The following RYR3 variants were observed in gnomAD, a reference collection of about 807,000 sequenced individuals.
RYR3 encodes brain ryanodine receptor-calcium release channel.
Under a neutral mutation model 584.3 loss-of-function variants are expected in RYR3, and 207 were observed. The ratio of observed to expected loss-of-function variants is 0.35; its 90% CI spans 0.32 to 0.40. The LOEUF (loss-of-function observed/expected upper bound fraction) is 0.40, where lower values mean the gene tolerates loss of function less well. RYR3 is among the 10% of genes least tolerant of loss of function. The pLI is 1.00. For missense variants in RYR3, 5,616 were observed against 6,089.2 expected, an observed-to-expected ratio of 0.92 and a Z score of 2.59; for synonymous variants, 2,416 against 2,248.5, an observed-to-expected ratio of 1.07 and a Z score of -2.11.
chr15:33,344,744 A>C (rs1354907320), intron 1 of RYR3, among the ~76,000 whole-genome samples: 5 of 152,222 alleles, frequency 3.3e-5, no homozygotes, highest in Non-Finnish European at 7.3e-5. Context: ...CTTTCTGGTC[A>C]TGTAAAAATG....
rs539094716 is a variant in RYR3, at chr15:33,865,402, G to C, written c.*176G>C. The C allele has an allele frequency of 1.7e-6, 1 of 576,632 alleles. No individual in the cohort carries two copies. The highest frequency in any genetic ancestry group is 1.9e-5 in the African/African-American group (1 of 53,366). 35.7% of individuals were successfully genotyped at this position (576,632 alleles called of 1,614,324 possible). A position where few individuals can be genotyped will look rare whatever the true frequency, so the allele number is the denominator to read the frequency against. ...ATTGATTTGGCTTTTTGTGCCTAAT[G>C]GACATACACTGTGGGAGAGAACCTG... On this transcript the variant is annotated 3_prime_UTR_variant, in exon 104 of 104. Coordinates refer to ENST00000634891, the MANE Select transcript of RYR3 (RefSeq NM_001036.6).
chr15:33,656,991 A>G (rs2062854653), intron 32 of RYR3, among the ~76,000 whole-genome samples: 1 of 152,172 alleles, frequency 6.6e-6, no homozygotes, highest in African/African-American at 2.4e-5. Context: ...GCCGTGCAAC[A>G]TAGCATGATC....
chr15:33,460,206 T>C (rs2142060806), intron 1 of RYR3, among the ~76,000 whole-genome samples: 1 of 152,352 alleles, frequency 6.6e-6, no homozygotes, highest in African/African-American at 2.4e-5. Context: ...TGTGTTTTCA[T>C]TAGACTTAAG....
At chr15:33,488,099 C>T (rs1037852410) in intron 2 of RYR3, among the ~76,000 whole-genome samples, 5 of 152,206 alleles carry the variant, frequency 3.3e-5, no homozygotes, top group African/African-American at 1.2e-4. Context: ...ATATTGTCCT[C>T]CTTCCTACTT....
At chr15:33,520,524 C>T (rs1329389750) in intron 3 of RYR3, among the ~76,000 whole-genome samples, 7 of 151,870 alleles carry the variant, frequency 4.6e-5, no homozygotes, top group Non-Finnish European at 7.4e-5. Flanking sequence ...CTGACAGGCT[C>T]CTTTTATGCA....
At chr15:33,615,741 C>A (rs930717589) in intron 19 of RYR3, among the ~76,000 whole-genome samples, 2 of 152,128 alleles carry the variant, frequency 1.3e-5, no homozygotes, top group African/African-American at 4.8e-5. Flanking sequence ...TGTGAGGATA[C>A]CACATAGAGC....
chr15:33,835,545 G>A (rs762289261), intron 87 of RYR3, among the ~76,000 whole-genome samples: 2 of 152,028 alleles, frequency 1.3e-5, no homozygotes, highest in Non-Finnish European at 1.5e-5. Flanking sequence ...AATCAGAACC[G>A]CTCAGAGCAT....
At chr15:33,722,087 A>G (rs2067974342) in intron 43 of RYR3, among the ~76,000 whole-genome samples, 1 of 152,302 alleles carries the variant, frequency 6.6e-6, no homozygotes, top group African/African-American at 2.4e-5. Context: ...TAGGTTAGGT[A>G]TTAGACTCTG....
At chr15:33,861,040 T>C (rs1412394048) in intron 101 of RYR3, 38 bp from the exon 102 acceptor site, 2 of 1,420,454 alleles carry the variant, frequency 1.4e-6, no homozygotes, top group Admixed American at 3.9e-5. Flanking sequence ...GCCTATATTA[T>C]GCCAACAAAT....
chr15:33,779,838 TAA>T (rs11284957), intron 64 of RYR3, among the ~76,000 whole-genome samples: 12 of 149,550 alleles, frequency 8.0e-5, no homozygotes, highest in Middle Eastern at 3.4e-3. Flanking sequence ...CCGTCTCTAC[TAA>T]AAAAAAAAAT....
At chr15:33,354,547 A>G (rs1973703283) in intron 1 of RYR3, among the ~76,000 whole-genome samples, 1 of 152,246 alleles carries the variant, frequency 6.6e-6, no homozygotes, top group Non-Finnish European at 1.5e-5. Flanking sequence ...TTCATAATGC[A>G]GCTCTTGACT....
intron 1 of RYR3, among the ~76,000 whole-genome samples, chr15:33,360,193 T>C (rs1974565304): frequency 6.6e-6 from 1 of 152,302 alleles, no homozygotes; most frequent in African/African-American, 2.4e-5. Context: ...AAATGAATCA[T>C]TTGACAAGTA....
intron 1 of RYR3, among the ~76,000 whole-genome samples, chr15:33,388,504 A>C (rs186693816): frequency 6.6e-6 from 1 of 152,332 alleles, no homozygotes; most frequent in East Asian, 1.9e-4. Context: ...AAGCGATTCT[A>C]TAGGTACATT....
At chr15:33,530,341 G>C (rs1162961676) in intron 3 of RYR3, among the ~76,000 whole-genome samples, 1 of 152,170 alleles carries the variant, frequency 6.6e-6, no homozygotes, top group East Asian at 1.9e-4. Flanking sequence ...CTGGGTTTCT[G>C]CTGATCCTGG....
intron 55 of RYR3, 97 bp downstream of exon 55, chr15:33,748,627 C>T (rs1360580272): frequency 5.0e-6 from 5 of 996,584 alleles, no homozygotes; most frequent in Non-Finnish European, 7.7e-6. Flanking sequence ...ATGCCTAGAA[C>T]ATATCACCAC....
At chr15:33,634,094 C>T (rs2061392694) in intron 24 of RYR3, among the ~76,000 whole-genome samples, 1 of 152,108 alleles carries the variant, frequency 6.6e-6, no homozygotes, top group Admixed American at 6.5e-5. Context: ...CTCTGTCGCC[C>T]AGGCTGGAGT....
chr15:33,520,822 T>C (rs1446162998), intron 3 of RYR3, among the ~76,000 whole-genome samples: 1 of 152,200 alleles, frequency 6.6e-6, no homozygotes, highest in Non-Finnish European at 1.5e-5. Context: ...TTTGGAGGCA[T>C]ACCAGTGACC....
chr15:33,764,201 G>A (rs1017537149), intron 60 of RYR3, among the ~76,000 whole-genome samples: 2 of 152,114 alleles, frequency 1.3e-5, no homozygotes, highest in Non-Finnish European at 2.9e-5. Flanking sequence ...TGATAGACTG[G>A]ATAAAGAAGA....
At position 33,550,255 on chromosome 15, in the gene RYR3, T is replaced by C. The variant is rs1356099404; in HGVS notation, c.911T>C (p.Ile304Thr). The C allele has an allele frequency of 3.1e-6, 5 of 1,613,804 alleles. No individual in the cohort carries two copies. The highest frequency in any genetic ancestry group is 2.2e-5 in the South Asian group (2 of 91,016). Residue 304 changes from isoleucine to threonine, a missense_variant, in exon 10 of 104, where the codon ATA becomes ACA. Ile to Thr is a moderately conservative substitution (Grantham distance 89, BLOSUM62 -1). Transcript: ENST00000634891. Reference sequence around the variant, plus strand: ...GCCTTGACAGAAGACCAAGGCCTTATACTGCAAGACCGGGCAAAGTCAGAC... The same window carrying C: ...GCCTTGACAGAAGACCAAGGCCTTACACTGCAAGACCGGGCAAAGTCAGAC... ...YLALTEDQGL[I>T]LQDRAKSDTK...
Sources: gnomAD v4.1 joint callset for allele counts (sites outside exome capture counted in the v4.1 genomes callset) on GRCh38, gnomAD v4.1.1 for gene constraint, MANE v1.5 for transcripts, NCBI Gene and HGNC (gene_info 2026-07-23, HGNC 2026-07-21) for gene names.